The following ACOXL variants were observed in gnomAD, a reference collection of about 807,000 sequenced individuals.
ACOXL encodes the protein acyl-coenzyme A oxidase-like protein.
ACOXL carries 70 observed loss-of-function variants against 71.9 expected under a neutral mutation model. The observed-to-expected ratio is 0.97, with a 90% CI of 0.80 to 1.19. ACOXL has a LOEUF of 1.19. ACOXL is among the 50% of genes most tolerant of loss of function. The pLI, the probability that ACOXL is intolerant of heterozygous loss-of-function variation, is 0.00. For missense variants in ACOXL, 703 were observed against 736.3 expected, an observed-to-expected ratio of 0.95 and a Z score of 0.52; for synonymous variants, 253 against 281.6, an observed-to-expected ratio of 0.90 and a Z score of 1.02.
chr2:110,971,011 T>C (rs1028647889), intron 12 of ACOXL, among the ~76,000 whole-genome samples: 5 of 152,154 alleles, frequency 3.3e-5, no homozygotes, highest in Admixed American at 6.5e-5. Flanking sequence ...TGAAAGACCC[T>C]GTGAAGAGGA....
At chr2:110,751,144 CA>C (rs888220461) in intron 1 of ACOXL, among the ~76,000 whole-genome samples, 1 of 151,634 alleles carries the variant, frequency 6.6e-6, no homozygotes, top group African/African-American at 2.4e-5. Flanking sequence ...TAAAAAAATA[CA>C]AAAAAATTAG....
chr2:111,039,086 G>C (rs2065657867), intron 15 of ACOXL, among the ~76,000 whole-genome samples: 1 of 152,158 alleles, frequency 6.6e-6, no homozygotes, highest in Admixed American at 6.5e-5. Context: ...AAACTATTGA[G>C]TTTTTGGAGG....
intron 12 of ACOXL, among the ~76,000 whole-genome samples, chr2:110,934,853 C>T (rs1190944649): frequency 6.6e-6 from 1 of 151,984 alleles, no homozygotes; most frequent in Non-Finnish European, 1.5e-5. Context: ...TGTGTGGGGT[C>T]CACATGGAAA....
In ACOXL at chr2:111,031,214, G is replaced by T. The variant is rs3789092; in HGVS notation, c.1282-413G>T. 8.5e-5 allele frequency among the ~76,000 whole-genome samples: 13 copies of T among 152,292 alleles called. No individual in the cohort carries two copies. In the East Asian group the frequency reaches 1.5e-3, roughly 18 times the overall value. ...TTGAGAAACACTTTGGAAACAAATGGAAGCTCCTGACTGCAAGGGAAGGAA... is the reference window on the plus strand; with the variant it reads ...TTGAGAAACACTTTGGAAACAAATGTAAGCTCCTGACTGCAAGGGAAGGAA... On this transcript the variant is annotated intron_variant, in intron 14 of 17. Transcript: ENST00000439055.
At chr2:110,886,637 T>G in intron 10 of ACOXL, 1 of 1,088,808 alleles carries the variant, frequency 9.2e-7, no homozygotes, top group Non-Finnish European at 1.3e-6. Context: ...CCTCGGCTTC[T>G]CAAAATGCTG....
intron 12 of ACOXL, among the ~76,000 whole-genome samples, chr2:110,964,277 A>G (rs1229678824): frequency 6.6e-6 from 1 of 152,210 alleles, no homozygotes; most frequent in Non-Finnish European, 1.5e-5. Flanking sequence ...CCAGTACATT[A>G]TTTATTGTAG....
At chr2:111,093,562 C>T in intron 17 of ACOXL, 2 of 1,611,492 alleles carry the variant, frequency 1.2e-6, no homozygotes, top group South Asian at 2.2e-5. Context: ...GACACAAAAC[C>T]ACTTTAAAAA....
chr2:110,968,557 A>G, intron 12 of ACOXL: 1 of 1,032,978 alleles, frequency 9.7e-7, no homozygotes, highest in Non-Finnish European at 1.5e-6. Context: ...GATGTATAAG[A>G]AAGCTCATGC....
At position 111,092,948 on chromosome 2, in the gene ACOXL, C is replaced by T; in HGVS notation, c.1524C>T (p.Ser508=). The T allele has an allele frequency of 6.2e-7, 1 of 1,613,854 alleles. No homozygotes were observed. Among genetic ancestry groups the T allele is most frequent in the Middle Eastern group, 1.7e-4 (1 of 6,060 alleles). The part of the protein sequence containing the change: ...LEHKYLTPMA[S]TRIRNQLLDL... ...ATAAATACTTGACTCCCATGGCCAG[C>T]ACGAGGATCAGGAATCAGGTAAGGT... The change falls in exon 17 of 18, where the codon AGC becomes AGT. Residue 508 remains serine (S), a synonymous_variant. Transcript: ENST00000439055.
intron 1 of ACOXL, among the ~76,000 whole-genome samples, chr2:110,744,548 T>G (rs565448944): frequency 1.3e-5 from 2 of 152,314 alleles, no homozygotes; most frequent in Admixed American, 1.3e-4. Flanking sequence ...GCACTTGTCC[T>G]TACTTCACGT....
chr2:110,801,338 T>A (rs2105331710), intron 7 of ACOXL, among the ~76,000 whole-genome samples: 1 of 152,366 alleles, frequency 6.6e-6, no homozygotes, highest in East Asian at 1.9e-4. Flanking sequence ...TCTCCCTTTC[T>A]TAATCACAGT....
chr2:110,772,830 A>G (rs1682137902), intron 2 of ACOXL, among the ~76,000 whole-genome samples: 1 of 152,220 alleles, frequency 6.6e-6, no homozygotes, highest in African/African-American at 2.4e-5. Context: ...CTGGATATTC[A>G]TCATAAACTT....
At position 110,897,055 on chromosome 2, in the gene ACOXL, T is replaced by C. The variant is rs1293770970; in HGVS notation, c.789-11734T>C. Among the ~76,000 whole-genome samples, 8 of 152,074 alleles carry C rather than the reference T, an allele frequency of 5.3e-5. No individual in the cohort carries two copies. In the East Asian group the frequency reaches 1.2e-3, roughly 22 times the overall value. On this transcript the variant is annotated intron_variant, in intron 10 of 17. Coordinates refer to ENST00000439055, the MANE Select transcript of ACOXL (RefSeq NM_001142807.4). Reference sequence around the variant, plus strand: ...TTCTCTGACCATGATGTATTCAAACTAGAACTTTGTAACAAAGATAACAGG... The same window carrying C: ...TTCTCTGACCATGATGTATTCAAACCAGAACTTTGTAACAAAGATAACAGG...
In ACOXL at chr2:111,007,683, C is replaced by G. The variant is rs902318848; in HGVS notation, c.1281+11679C>G. On this transcript the variant is annotated intron_variant, in intron 14 of 17. Transcript: ENST00000439055. Reference sequence around the variant, plus strand: ...CTCCAAGGAGAGCTGGTTCTTTTTCCTAGAGAATGGTATTTAAAAACCAGC... The same window carrying G: ...CTCCAAGGAGAGCTGGTTCTTTTTCGTAGAGAATGGTATTTAAAAACCAGC... Among the ~76,000 whole-genome samples, 3 of 152,118 alleles carry G rather than the reference C, an allele frequency of 2.0e-5. No homozygotes were observed. The East Asian group carries it at 5.8e-4, about 29-fold the overall frequency.
chr2:110,739,690 C>T (rs1489815221), intron 1 of ACOXL, among the ~76,000 whole-genome samples: 1 of 152,170 alleles, frequency 6.6e-6, no homozygotes, highest in African/African-American at 2.4e-5. Context: ...GGAGAGGGGA[C>T]TTGAGGATGC....
intron 12 of ACOXL, among the ~76,000 whole-genome samples, chr2:110,941,350 A>G (rs1441162674): frequency 6.6e-6 from 1 of 152,198 alleles, no homozygotes; most frequent in African/African-American, 2.4e-5. Context: ...ATAATCAAAA[A>G]ATGGACAATA....
intron 10 of ACOXL, among the ~76,000 whole-genome samples, chr2:110,862,673 G>A (rs11898005): frequency 0.3 from 45,056 of 152,068 alleles, 7,154 homozygotes; most frequent in Non-Finnish European, 0.35. Flanking sequence ...TAAATTTGGC[G>A]CAAATGGCTA....
rs534917689 is a variant in ACOXL, at chr2:110,979,619, G to A, written c.1060-7489G>A. On this transcript the variant is annotated intron_variant, in intron 12 of 17. Transcript: ENST00000439055. ...GGCCAGTTACAGATGGTGACGGGAAGAGCACAGGGGGTGCGGGGCAGGGGT... is the reference window on the plus strand; with the variant it reads ...GGCCAGTTACAGATGGTGACGGGAAAAGCACAGGGGGTGCGGGGCAGGGGT... 3.0e-3 allele frequency among the ~76,000 whole-genome samples: 460 copies of A among 152,288 alleles called. 3 individuals carry two copies. Among genetic ancestry groups the A allele is most frequent in the African/African-American group, 0.011 (442 of 41,546 alleles).
intron 12 of ACOXL, among the ~76,000 whole-genome samples, chr2:110,970,893 G>A (rs1375680420): frequency 6.6e-6 from 1 of 152,182 alleles, no homozygotes; most frequent in East Asian, 1.9e-4. Flanking sequence ...GAAAATCCTT[G>A]AGACCTAGGG....
Sources: allele counts gnomAD v4.1 joint callset (sites outside exome capture counted in the v4.1 genomes callset), GRCh38; gene constraint gnomAD v4.1.1; transcripts MANE v1.5; gene names NCBI Gene and HGNC (gene_info 2026-07-23, HGNC 2026-07-21).